ERBB4: variants seen among roughly 807,000 people sequenced by gnomAD.
ERBB4 encodes erb-b2 receptor tyrosine kinase 4, also known as receptor tyrosine-protein kinase erbB-4.
ERBB4 carries 42 observed loss-of-function variants against 158.0 expected under a neutral mutation model. The observed-to-expected ratio is 0.27, with a 90% CI of 0.21 to 0.34. ERBB4 has a LOEUF of 0.34. Ranked by LOEUF, ERBB4 falls within the 10% of genes least tolerant of loss-of-function variation. The pLI is 1.00. For missense variants in ERBB4, 1,333 were observed against 1,624.1 expected, an observed-to-expected ratio of 0.82 and a Z score of 3.08; for synonymous variants, 583 against 558.7, an observed-to-expected ratio of 1.04 and a Z score of -0.61.
rs375181595 is a variant in ERBB4, at chr2:212,345,232, C to T, written c.82+193217G>A. The stretch of plus-strand genomic sequence containing the variant: ...AGTGAGCCCAGATTGTGCCACTGCC[C>T]TCCAGCCTGGGGGACAGAGCAAGAC... On this transcript the variant is annotated intron_variant, in intron 1 of 27. Transcript: ENST00000342788. Among the ~76,000 whole-genome samples, 4 of 111,768 alleles carry T rather than the reference C, an allele frequency of 3.6e-5. No individual in the cohort carries two copies. In the South Asian group the frequency reaches 1.1e-3, roughly 31 times the overall value. 73.3% of individuals were successfully genotyped at this position (111,768 alleles called of 152,430 possible). A position where few individuals can be genotyped will look rare whatever the true frequency, so the allele number is the denominator to read the frequency against.
intron 2 of ERBB4, among the ~76,000 whole-genome samples, chr2:211,997,611 GTC>G (rs2082229949): frequency 6.6e-6 from 1 of 151,740 alleles, no homozygotes; most frequent in African/African-American, 2.4e-5. Flanking sequence ...CCCAATCTCA[GTC>G]TCTCACATAC....
At chr2:211,484,093 C>T (rs1372475485) in intron 20 of ERBB4, among the ~76,000 whole-genome samples, 2 of 152,104 alleles carry the variant, frequency 1.3e-5, no homozygotes, top group African/African-American at 4.8e-5. Context: ...AGTAGAAATA[C>T]CACTTAAAGA....
chr2:211,734,924 A>AAAAAAAG, intron 5 of ERBB4, among the ~76,000 whole-genome samples: 1 of 151,296 alleles, frequency 6.6e-6, no homozygotes, highest in Non-Finnish European at 1.5e-5. Flanking sequence ...AAAAAAAAAA[A>AAAAAAAG]AAAAAAAGAC....
At chr2:212,423,527 G>A (rs543652471) in intron 1 of ERBB4, among the ~76,000 whole-genome samples, 3 of 152,132 alleles carry the variant, frequency 2.0e-5, no homozygotes, top group Non-Finnish European at 2.9e-5. Flanking sequence ...CAGCAACTAA[G>A]TATGACACAC....
chr2:212,412,960 T>C (rs1053009646), intron 1 of ERBB4, among the ~76,000 whole-genome samples: 3 of 151,896 alleles, frequency 2.0e-5, no homozygotes, highest in African/African-American at 4.8e-5. Flanking sequence ...TTTTTCTTTT[T>C]GTTTTTTTTG....
chr2:211,791,499 G>C (rs986860946), intron 3 of ERBB4, among the ~76,000 whole-genome samples: 2 of 148,712 alleles, frequency 1.3e-5, no homozygotes, highest in Non-Finnish European at 3.0e-5. Flanking sequence ...AAAGTGTCTG[G>C]ATGAGTGCAG....
intron 2 of ERBB4, among the ~76,000 whole-genome samples, chr2:212,099,569 G>A (rs2079024949): frequency 6.6e-6 from 1 of 152,100 alleles, no homozygotes; most frequent in Non-Finnish European, 1.5e-5. Flanking sequence ...ATCTGCATGT[G>A]ATAGCCATAG....
chr2:211,892,571 G>A (rs1209827736), intron 3 of ERBB4, among the ~76,000 whole-genome samples: 1 of 143,810 alleles, frequency 7.0e-6, no homozygotes, highest in African/African-American at 2.7e-5. Flanking sequence ...AATTAGGCAG[G>A]AGAAGGAAAT....
intron 1 of ERBB4, among the ~76,000 whole-genome samples, chr2:212,133,255 C>T (rs1237158982): frequency 6.6e-6 from 1 of 152,042 alleles, no homozygotes; most frequent in Non-Finnish European, 1.5e-5. Flanking sequence ...CTATAAAATC[C>T]AAAGTTCTTA....
intron 3 of ERBB4, among the ~76,000 whole-genome samples, chr2:211,934,527 G>A (rs1178885011): frequency 1.3e-5 from 2 of 151,488 alleles, no homozygotes; most frequent in East Asian, 1.9e-4. Context: ...GATCTTTTTC[G>A]AGCCTGCCAT....
intron 1 of ERBB4, among the ~76,000 whole-genome samples, chr2:212,202,909 G>A (rs1007030552): frequency 3.3e-5 from 5 of 151,236 alleles, no homozygotes; most frequent in Admixed American, 6.6e-5. Context: ...TTTACACATC[G>A]GCTAATTATA....
chr2:212,084,769 C>T (rs2078553632), intron 2 of ERBB4, among the ~76,000 whole-genome samples: 1 of 151,778 alleles, frequency 6.6e-6, no homozygotes, highest in Admixed American at 6.6e-5. Flanking sequence ...GAGGAACCCA[C>T]AGAATGTTAA....
chr2:211,530,416 A>G (rs547610802), intron 20 of ERBB4, among the ~76,000 whole-genome samples: 2 of 152,256 alleles, frequency 1.3e-5, no homozygotes, highest in African/African-American at 4.8e-5. Flanking sequence ...TGTCTAGACT[A>G]CAATACCTAA....
chr2:211,976,212 G>A (rs1429610724), intron 2 of ERBB4, among the ~76,000 whole-genome samples: 1 of 152,086 alleles, frequency 6.6e-6, no homozygotes, highest in Non-Finnish European at 1.5e-5. Flanking sequence ...AGATAAATCT[G>A]TAATAAAGTA....
chr2:211,825,773 A>ATAT (rs1426703070), intron 3 of ERBB4, among the ~76,000 whole-genome samples: 1 of 147,500 alleles, frequency 6.8e-6, no homozygotes, highest in Non-Finnish European at 1.5e-5. Context: ...TATATATTAT[A>ATAT]TATTATTAAT....
intron 20 of ERBB4, among the ~76,000 whole-genome samples, chr2:211,549,011 G>A (rs2067012900): frequency 6.6e-6 from 1 of 151,976 alleles, no homozygotes; most frequent in Non-Finnish European, 1.5e-5. Flanking sequence ...GTTCTTTTGG[G>A]CTGGGTTCTC....
At chr2:212,224,240 T>C (rs1330901431) in intron 1 of ERBB4, among the ~76,000 whole-genome samples, 3 of 151,944 alleles carry the variant, frequency 2.0e-5, no homozygotes, top group African/African-American at 7.2e-5. Flanking sequence ...AACTTCATTG[T>C]TCCAAGACTT....
intron 1 of ERBB4, among the ~76,000 whole-genome samples, chr2:212,328,234 C>T (rs1280153904): frequency 2.6e-5 from 4 of 151,908 alleles, no homozygotes; most frequent in Non-Finnish European, 4.4e-5. Context: ...GTACCTGAGG[C>T]CTTTCTGTGC....
At chr2:212,159,981 G>A (rs1164441203) in intron 1 of ERBB4, among the ~76,000 whole-genome samples, 2 of 151,912 alleles carry the variant, frequency 1.3e-5, no homozygotes, top group African/African-American at 4.8e-5. Context: ...AACTTAACTT[G>A]GCCTCCTTTC....
Sources: gnomAD v4.1 joint callset for allele counts (sites outside exome capture counted in the v4.1 genomes callset) on GRCh38, gnomAD v4.1.1 for gene constraint, MANE v1.5 for transcripts, NCBI Gene and HGNC (gene_info 2026-07-23, HGNC 2026-07-21) for gene names.